UFL1: variants seen among roughly 807,000 people sequenced by gnomAD.
The protein encoded by UFL1 is E3 UFM1-protein ligase 1.
In UFL1, 78 loss-of-function variants were observed where a neutral mutation model predicts 99.3. The ratio of observed to expected loss-of-function variants is 0.79; its 90% CI spans 0.65 to 0.95. The LOEUF (loss-of-function observed/expected upper bound fraction) is 0.95, where lower values mean the gene tolerates loss of function less well. Ranked by LOEUF, UFL1 falls within the 40% of genes least tolerant of loss-of-function variation. UFL1 has a pLI of 0.00. For synonymous variants in UFL1, 335 were observed against 322.2 expected (o/e 1.04, Z -0.42); for missense variants, 936 against 937.0 (o/e 1.00, Z 0.01).
In UFL1 at chr6:96,552,621, G is replaced by A. The variant is rs1318514487; in HGVS notation, c.2125G>A (p.Val709Ile). 6.2e-7 allele frequency: 1 copy of A among 1,610,384 alleles called. No individual in the cohort carries two copies. The highest frequency in any genetic ancestry group is 8.5e-7 in the Non-Finnish European group (1 of 1,179,014). ...CATGCTCCATGCACCTGGAAGATGTGTCCCACAGATCATTGCTTTTCTTAA... is the reference window on the plus strand; with the variant it reads ...CATGCTCCATGCACCTGGAAGATGTATCCCACAGATCATTGCTTTTCTTAA... The part of the protein sequence containing the change: ...HSMLHAPGRC[V>I]PQIIAFLNSK... The change falls in exon 18 of 19, where the codon GTC becomes ATC. Residue 709 changes from valine to isoleucine, a missense_variant. Transcript: ENST00000369278.
At chr6:96,528,312 TGA>T (rs1174061930) in intron 5 of UFL1, among the ~76,000 whole-genome samples, 188 bp from the exon 6 acceptor site, 2 of 152,206 alleles carry the variant, frequency 1.3e-5, no homozygotes, top group Admixed American at 6.5e-5. Flanking sequence ...GGCTCTGCCA[TGA>T]GATAGTGAAC....
chr6:96,521,984 A>G lies in UFL1; in HGVS notation c.77+34A>G, dbSNP rs541972244. ...CCCTCCCTCTCCTTTGTGGAGCCCA[A>G]ATTAGGCCGTGGGCGGACACGCCTG... On this transcript the variant is annotated intron_variant, in intron 1 of 18. Coordinates refer to ENST00000369278, the MANE Select transcript of UFL1 (RefSeq NM_015323.5). 12 of 1,595,398 alleles carry G rather than the reference A, an allele frequency of 7.5e-6. No individual in the cohort carries two copies. The South Asian group carries it at 1.0e-4, about 14-fold the overall frequency.
intron 3 of UFL1, among the ~76,000 whole-genome samples, chr6:96,524,746 G>C (rs762186954): frequency 6.6e-6 from 1 of 152,122 alleles, no homozygotes; most frequent in Non-Finnish European, 1.5e-5. Context: ...TGGGAGAAAA[G>C]TCACCAGTTT....
chr6:96,534,730 T>C (rs1463563595), intron 7 of UFL1, among the ~76,000 whole-genome samples: 1 of 151,954 alleles, frequency 6.6e-6, no homozygotes, highest in Non-Finnish European at 1.5e-5. Context: ...AATAAAAGTA[T>C]ATTCTTATCA....
At chr6:96,525,971 A>G (rs908157899) in intron 4 of UFL1, among the ~76,000 whole-genome samples, 1 of 152,058 alleles carries the variant, frequency 6.6e-6, no homozygotes, top group Admixed American at 6.6e-5. Flanking sequence ...CTGTAGTCCC[A>G]GCTACTCAGG....
At chr6:96,526,164 A>C (rs1769698927) in intron 4 of UFL1, among the ~76,000 whole-genome samples, 157 bp from the exon 5 acceptor site, 1 of 152,152 alleles carries the variant, frequency 6.6e-6, no homozygotes, top group Non-Finnish European at 1.5e-5. Context: ...AGAAAAAAGT[A>C]TTTGTTAGAA....
rs775535777 is a variant in UFL1 at position 96,549,511 on chromosome 6, G to C, written c.1620G>C (p.Leu540Phe). 1.1e-5 allele frequency: 18 copies of C among 1,592,364 alleles called. No individual in the cohort carries two copies. The South Asian group carries it at 1.7e-4, about 15-fold the overall frequency. Residue 540 changes from leucine (L) to phenylalanine (F), a missense_variant, in exon 14 of 19, where the codon TTG (leucine) becomes TTC (phenylalanine). Leu to Phe is a conservative substitution (Grantham distance 22). Transcript: ENST00000369278. ...GTGRKRTIKD[L>F]QEEVSNLYNN... Reference sequence around the variant, plus strand: ...GCAGAAAACGCACAATCAAGGACTTGCAAGAAGAAGTTTCAAACCTGTACA... The same window carrying C: ...GCAGAAAACGCACAATCAAGGACTTCCAAGAAGAAGTTTCAAACCTGTACA...
Position 96,524,401 on chromosome 6 carries a change from T to A in UFL1, c.243T>A (p.Asp81Glu). ...TCAAAGGTCGAGTAAACATTGTTGA[T>A]CTACAACAGGTAGGTTTTAAATTTA... ...HVRGGRVNIV[D>E]LQQVINVDLI... The change falls in exon 3 of 19, where the codon GAT becomes GAA. Residue 81 changes from aspartate (D) to glutamate (E), a missense_variant. Coordinates refer to ENST00000369278, the MANE Select transcript of UFL1 (RefSeq NM_015323.5). 6.3e-7 allele frequency: 1 copy of A among 1,587,232 alleles called. No homozygotes were observed. The highest frequency in any genetic ancestry group is 1.7e-4 in the Middle Eastern group (1 of 5,998).
Position 96,526,385 on chromosome 6 carries a change from A to G in UFL1, c.415A>G (p.Ile139Val), listed in dbSNP as rs976325264. 8 of 1,613,472 alleles carry G rather than the reference A, an allele frequency of 5.0e-6. No homozygotes were observed. The Admixed American group carries it at 6.7e-5, about 13-fold the overall frequency. Residue 139 changes from isoleucine to valine, a missense_variant, in exon 5 of 19, where the codon ATA becomes GTA. Physicochemically the swap from Ile to Val is conservative, Grantham distance 29. Coordinates refer to ENST00000369278, the MANE Select transcript of UFL1 (RefSeq NM_015323.5). The stretch of plus-strand genomic sequence containing the variant: ...ATTGCAAGAAAGTGGTCAGGTCACC[A>G]TATCAGAACTGTGTAAAACTTATGA... ...DKLQESGQVT[I>V]SELCKTYDLP...
chr6:96,528,144 C>T (rs556866368), intron 5 of UFL1, among the ~76,000 whole-genome samples: 69 of 152,282 alleles, frequency 4.5e-4, no homozygotes, highest in Non-Finnish European at 8.1e-4. Flanking sequence ...TATGTCTTGG[C>T]TCTCTATATA....
Position 96,553,674 on chromosome 6 carries a change from T to C in UFL1, c.*171T>C. On this transcript the variant is annotated 3_prime_UTR_variant, in exon 19 of 19. Coordinates refer to ENST00000369278, the MANE Select transcript of UFL1 (RefSeq NM_015323.5). ...GTATTAAATGTAAATCTTAAAAAGA[T>C]GTGAATTTTTGTAAATTGGGTTCTT... 2.2e-6 allele frequency: 1 copy of C among 456,940 alleles called. No individual in the cohort carries two copies. The highest frequency in any genetic ancestry group is 3.7e-6 in the Non-Finnish European group (1 of 268,200). 28.3% of individuals were successfully genotyped at this position (456,940 alleles called of 1,614,324 possible).
At chr6:96,547,121 G>A (rs1006913907) in intron 12 of UFL1, among the ~76,000 whole-genome samples, 4 of 151,010 alleles carry the variant, frequency 2.6e-5, no homozygotes, top group South Asian at 2.1e-4. Context: ...TAGAGTCTAC[G>A]AAGAACTCAA....
chr6:96,536,275 CT>C lies in UFL1; in HGVS notation c.689del (p.Leu230TyrfsTer38), dbSNP rs772831084. 3.1e-6 allele frequency: 5 copies of C among 1,609,984 alleles called. No individual in the cohort carries two copies. Among genetic ancestry groups the C allele is most frequent in the African/African-American group, 1.3e-5 (1 of 74,712 alleles). On this transcript the variant is annotated frameshift_variant, in exon 8 of 19. Coordinates refer to ENST00000369278, the MANE Select transcript of UFL1 (RefSeq NM_015323.5). LOFTEE classifies it high-confidence loss of function. ...TTGAGGAACTTGTTAATAGCGGACG[CT>C]TACGAGGCACTGTGGTTGGTGGGAG... ...VLEELVNSGRLRGTVVGGRQD... is the reference protein window; with the variant it reads ...VLEELVNSGRXRGTVVGGRQD...
At chr6:96,528,375 C>A in intron 5 of UFL1, 127 bp from the exon 6 acceptor site, 2 of 1,115,762 alleles carry the variant, frequency 1.8e-6, no homozygotes, top group Non-Finnish European at 2.5e-6. Flanking sequence ...GTAATCTATG[C>A]TTGTTGAAAC....
chr6:96,535,003 A>T (rs1392206197), intron 7 of UFL1, among the ~76,000 whole-genome samples: 2 of 152,000 alleles, frequency 1.3e-5, no homozygotes, highest in African/African-American at 4.8e-5. Flanking sequence ...ATTTAAAATT[A>T]ACCTGACTTT....
Position 96,534,424 on chromosome 6 carries a change from A to T in UFL1, c.655+103A>T, listed in dbSNP as rs368574815. On this transcript the variant is annotated intron_variant, in intron 7 of 18. Coordinates refer to ENST00000369278, the MANE Select transcript of UFL1 (RefSeq NM_015323.5). Reference sequence around the variant, plus strand: ...TTTTTCCTCTTTTATTGTTAATGTAACTAAAATATTTCCTGGTTTAAAAAA... The same window carrying T: ...TTTTTCCTCTTTTATTGTTAATGTATCTAAAATATTTCCTGGTTTAAAAAA... The T allele has an allele frequency of 1.7e-4, 151 of 894,484 alleles. 2 individuals carry two copies. In the East Asian group the frequency reaches 3.0e-3, roughly 18 times the overall value. The allele number at this position is 894,484 out of a possible 1,614,324, so 55.4% of individuals were successfully genotyped here. A position where few individuals can be genotyped will look rare whatever the true frequency, so the allele number is the denominator to read the frequency against.
Position 96,540,514 on chromosome 6 carries a change from A to G in UFL1, c.1159-21A>G, listed in dbSNP as rs775150580. 2.5e-6 allele frequency: 4 copies of G among 1,586,268 alleles called. No homozygotes were observed. The East Asian group carries it at 9.0e-5, about 36-fold the overall frequency. The stretch of plus-strand genomic sequence containing the variant: ...AAATGCTATGTGTTTTTCCTACCAA[A>G]AAAAGCATGTTTTATTTTAGGAAAT... On this transcript the variant is annotated intron_variant, in intron 10 of 18. Coordinates refer to ENST00000369278, the MANE Select transcript of UFL1 (RefSeq NM_015323.5).
At position 96,553,536 on chromosome 6, in the gene UFL1, A is replaced by G. The variant is rs767950599; in HGVS notation, c.*33A>G. The stretch of plus-strand genomic sequence containing the variant: ...AATTTACATTTGTCATATAGTAAGC[A>G]TTTTCCCCCAAGGTTGAAGGTGAGT... On this transcript the variant is annotated 3_prime_UTR_variant, in exon 19 of 19. Transcript: ENST00000369278. The G allele has an allele frequency of 6.3e-7, 1 of 1,592,442 alleles. No homozygotes were observed. Among genetic ancestry groups the G allele is most frequent in the Non-Finnish European group, 8.6e-7 (1 of 1,167,614 alleles).
chr6:96,529,934 T>A (rs1429215502), intron 6 of UFL1, among the ~76,000 whole-genome samples: 2 of 152,156 alleles, frequency 1.3e-5, no homozygotes, highest in Non-Finnish European at 2.9e-5. Context: ...GACATGATGC[T>A]CTATCACCAC....
Sources: allele counts gnomAD v4.1 joint callset (sites outside exome capture counted in the v4.1 genomes callset), GRCh38; gene constraint gnomAD v4.1.1; transcripts MANE v1.5; gene names NCBI Gene and HGNC (gene_info 2026-07-23, HGNC 2026-07-21).